Variants in LONP1 observed in about 807,000 individuals in gnomAD.
LONP1 encodes lon peptidase 1, mitochondrial.
Under a neutral mutation model 98.5 loss-of-function variants are expected in LONP1, and 31 were observed. The observed-to-expected ratio is 0.31, with a 90% CI of 0.24 to 0.42. The LOEUF is 0.42. Ranked by LOEUF, LONP1 falls within the 20% of genes least tolerant of loss-of-function variation. The pLI, the probability that LONP1 is intolerant of heterozygous loss-of-function variation, is 1.00. For missense variants in LONP1, 1,336 were observed against 1,350.6 expected (o/e 0.99, Z 0.17); for synonymous variants, 781 against 594.7 (o/e 1.31, Z -4.56).
Position 5,693,656 on chromosome 19 carries a change from CCTT to C in LONP1, c.2431_2433del (p.Lys811del). On this transcript the variant is annotated inframe_deletion, in exon 16 of 18. Coordinates refer to ENST00000360614, the MANE Select transcript of LONP1 (RefSeq NM_004793.4). The stretch of plus-strand genomic sequence containing the variant: ...AAGGTGTAGGCTATGCGGGCGCTCT[CCTT>C]CATCACCTCCCCCAGCTGGCCTGTC... 1.2e-6 allele frequency: 2 copies of C among 1,614,112 alleles called. No homozygotes were observed. The highest frequency in any genetic ancestry group is 1.7e-6 in the Non-Finnish European group (2 of 1,180,002).
intron 1 of LONP1, among the ~76,000 whole-genome samples, chr19:5,718,763 C>T (rs1054935007): frequency 6.6e-6 from 1 of 151,964 alleles, no homozygotes; most frequent in Admixed American, 6.6e-5. Context: ...ACTGTAAAAG[C>T]TCAAGTTCCT....
At chr19:5,714,310 A>ATT (rs769200423) in intron 1 of LONP1, 39 bp from the exon 2 acceptor site, 6 of 1,360,280 alleles carry the variant, frequency 4.4e-6, no homozygotes, top group Non-Finnish European at 5.1e-6. Flanking sequence ...TGCAGAGTAG[A>ATT]TTTTTTTTTT....
chr19:5,698,556 A>C (rs2436511), intron 10 of LONP1, among the ~76,000 whole-genome samples: 1 of 151,994 alleles, frequency 6.6e-6, no homozygotes, highest in Non-Finnish European at 1.5e-5. Context: ...CAGAGGCGCC[A>C]AGGTTTCTCT....
chr19:5,703,805 TCC>T (rs892342724), intron 8 of LONP1, among the ~76,000 whole-genome samples: 1 of 151,664 alleles, frequency 6.6e-6, no homozygotes, highest in African/African-American at 2.4e-5. Context: ...TGAGGGCTTG[TCC>T]CCCGTGACTT....
chr19:5,694,307 C>T (rs116337775), intron 15 of LONP1, 80 bp downstream of exon 15: 3 of 1,564,776 alleles, frequency 1.9e-6, no homozygotes, highest in Middle Eastern at 1.7e-4. Context: ...GCCCACTGCA[C>T]AGGTGTACAA....
intron 4 of LONP1, among the ~76,000 whole-genome samples, chr19:5,710,234 G>C (rs898700821): frequency 6.6e-6 from 1 of 151,656 alleles, no homozygotes; most frequent in Non-Finnish European, 1.5e-5. Context: ...ACAGGCATAA[G>C]CCACCACACC....
intron 17 of LONP1, 103 bp downstream of exon 17, chr19:5,693,195 T>TC: frequency 8.5e-6 from 12 of 1,414,342 alleles, no homozygotes; most frequent in Non-Finnish European, 1.1e-5. Context: ...GCCCAGGGCT[T>TC]CCCTCTCCTT....
intron 6 of LONP1, 25 bp downstream of exon 6, chr19:5,707,672 G>T (rs1234216955): frequency 1.3e-6 from 2 of 1,596,616 alleles, no homozygotes; most frequent in East Asian, 2.2e-5. Flanking sequence ...AGGCGTGGGG[G>T]GCTGTGGAGG....
intron 4 of LONP1, among the ~76,000 whole-genome samples, chr19:5,710,586 C>T (rs2055221640): frequency 1.3e-5 from 2 of 152,148 alleles, no homozygotes; most frequent in South Asian, 2.1e-4. Context: ...CAATATTGCC[C>T]AGGCTGGTTT....
chr19:5,694,807 T>C lies in LONP1; in HGVS notation c.2108A>G (p.Tyr703Cys). 2.5e-6 allele frequency: 4 copies of C among 1,600,392 alleles called. No individual in the cohort carries two copies. Among genetic ancestry groups the C allele is most frequent in the Non-Finnish European group, 3.4e-6 (4 of 1,169,636 alleles). ...SDVLTLLIKQ[Y>C]CRESGVRNLQ... is the part of the protein sequence containing the mutation. ...GTTGCGGACACCGCTCTCGCGGCAG[T>C]ACTGCTTGATGAGCAGCGTCAGCAC... is the stretch of plus-strand genomic sequence containing the variant. Residue 703 changes from tyrosine to cysteine, a missense_variant, in exon 14 of 18, where the codon TAC becomes TGC. By Grantham distance (194) the Tyr-to-Cys change is radical (BLOSUM62 -2). Coordinates refer to ENST00000360614, the MANE Select transcript of LONP1 (RefSeq NM_004793.4).
At chr19:5,696,619 T>C (rs1375713063) in intron 11 of LONP1, 51 bp downstream of exon 11, 2 of 1,496,604 alleles carry the variant, frequency 1.3e-6, no homozygotes, top group South Asian at 2.3e-5. Flanking sequence ...CGGCTTCATC[T>C]TGCACACGGC....
chr19:5,697,397 A>G (rs1396277102), intron 10 of LONP1, among the ~76,000 whole-genome samples: 1 of 151,288 alleles, frequency 6.6e-6, no homozygotes, highest in African/African-American at 2.4e-5. Context: ...AGGGTCTGAG[A>G]GATGTGTTCC....
intron 8 of LONP1, among the ~76,000 whole-genome samples, chr19:5,702,700 G>A (rs2055076402): frequency 6.6e-6 from 1 of 152,098 alleles, no homozygotes. Context: ...TTGGGATCCT[G>A]TTGATCGGTG....
chr19:5,708,025 G>C lies in LONP1; in HGVS notation c.933-199C>G. ...CCGTCCTGGGCTGGAAAGGCATGCAGCATCCTCACGTGCAGCCACCACGGG... is the reference window on the plus strand; with the variant it reads ...CCGTCCTGGGCTGGAAAGGCATGCACCATCCTCACGTGCAGCCACCACGGG... On this transcript the variant is annotated intron_variant, in intron 5 of 17. Coordinates refer to ENST00000360614, the MANE Select transcript of LONP1 (RefSeq NM_004793.4). The C allele has an allele frequency of 4.6e-6, 3 of 650,168 alleles. No individual in the cohort carries two copies. In the South Asian group the frequency reaches 5.8e-5, roughly 13 times the overall value. The allele number at this position is 650,168 out of a possible 1,614,324, so 40.3% of individuals were successfully genotyped here. A position where few individuals can be genotyped will look rare whatever the true frequency, so the allele number is the denominator to read the frequency against.
rs753375137 is a variant in LONP1 at position 5,700,947 on chromosome 19, G to C, written c.1368-20C>G. ...GTGACACTGCCAGGGGACAGATGGA[G>C]AGATGCTGAGTGGAGCTCACGAGCT... is the stretch of plus-strand genomic sequence containing the variant. On this transcript the variant is annotated intron_variant, in intron 8 of 17. Coordinates refer to ENST00000360614, the MANE Select transcript of LONP1 (RefSeq NM_004793.4). 1.2e-6 allele frequency: 2 copies of C among 1,613,974 alleles called. No individual in the cohort carries two copies. Among genetic ancestry groups the C allele is most frequent in the East Asian group, 2.2e-5 (1 of 44,874 alleles).
At chr19:5,699,006 G>A (rs780679456) in intron 10 of LONP1, 21 bp downstream of exon 10, 44 of 1,588,570 alleles carry the variant, frequency 2.8e-5, no homozygotes, top group Non-Finnish European at 3.7e-5. Context: ...TGCGTGGGGA[G>A]AGCTGTCAGG....
At chr19:5,708,831 G>A (rs1423489845) in intron 4 of LONP1, 3 of 156,360 alleles carry the variant, frequency 1.9e-5, no homozygotes, top group Non-Finnish European at 2.8e-5. Context: ...GGCTAACACA[G>A]TGAAACCCCG....
chr19:5,693,334 G>C lies in LONP1; in HGVS notation c.2667C>G (p.Ile889Met). 1 of 1,613,322 alleles carries C rather than the reference G, an allele frequency of 6.2e-7. No individual in the cohort carries two copies. The highest frequency in any genetic ancestry group is 8.5e-7 in the Non-Finnish European group (1 of 1,179,720). Residue 889 changes from isoleucine to methionine, a missense_variant, in exon 17 of 18, where the codon ATC (isoleucine) becomes ATG (methionine). By Grantham distance (10) the Ile-to-Met change is conservative. This residue lies in a region of LONP1 where 555 missense variants were observed against 542.6 expected (regional missense o/e 1.02). Transcript: ENST00000360614. ...MTGEVSLTGKILPVGGIKEKT... is the reference protein window; with the variant it reads ...MTGEVSLTGKMLPVGGIKEKT... The stretch of plus-strand genomic sequence containing the variant: ...TCTCCTTGATGCCACCAACAGGCAG[G>C]ATCTTGCCCGTGAGGGAGACTTCGC...
In LONP1 at chr19:5,693,539, A is replaced by G; in HGVS notation, c.2538+13T>C. 6.2e-7 allele frequency: 1 copy of G among 1,613,808 alleles called. No homozygotes were observed. Among genetic ancestry groups the G allele is most frequent in the African/African-American group, 1.3e-5 (1 of 75,030 alleles). ...ACTGGGCGGGAGCAGGTGGGAGCGG[A>G]TGGCGCGGTCACCTCGGGCACATGC... On this transcript the variant is annotated intron_variant, in intron 16 of 17. Transcript: ENST00000360614.
Sources: gnomAD v4.1 joint callset for allele counts (sites outside exome capture counted in the v4.1 genomes callset) on GRCh38, gnomAD v4.1.1 for gene constraint, gnomAD v4.1.1 regional missense constraint, MANE v1.5 for transcripts, NCBI Gene and HGNC (gene_info 2026-07-23, HGNC 2026-07-21) for gene names.